Variants in TNS1 observed in about 807,000 individuals in gnomAD.
TNS1 encodes tensin-1.
TNS1 carries 62 observed loss-of-function variants against 168.6 expected under a neutral mutation model. The observed-to-expected ratio is 0.37, with a 90% CI of 0.30 to 0.45. The LOEUF (loss-of-function observed/expected upper bound fraction) is 0.45. TNS1 is among the 20% of genes least tolerant of loss of function. TNS1 has a pLI of 1.00. For synonymous variants in TNS1, 934 were observed against 933.2 expected (o/e 1.00, Z -0.02); for missense variants, 2,240 against 2,339.4 (o/e 0.96, Z 0.88).
At chr2:217,831,273 G>A (rs1465028752) in intron 22 of TNS1, among the ~76,000 whole-genome samples, 182 bp downstream of exon 22, 2 of 152,206 alleles carry the variant, frequency 1.3e-5, no homozygotes, top group African/African-American at 4.8e-5. Context: ...TCAACAGACA[G>A]GAAGGCTGCA....
upstream of TNS1, among the ~76,000 whole-genome samples, chr2:218,014,909 AAGGAAGGAAGGAAGGC>A (rs879522578): frequency 0.066 from 6,328 of 96,148 alleles, 170 homozygotes; most frequent in Middle Eastern, 0.15. Context: ...GGAAGGAAGG[AAGGAAGGAAGGAAGGC>A]AGGCAGGCAG....
chr2:217,826,715 A>G (rs1009917675), intron 22 of TNS1, among the ~76,000 whole-genome samples: 1 of 152,136 alleles, frequency 6.6e-6, no homozygotes. Flanking sequence ...CAGAGGCTAC[A>G]GGGAGTTGGG....
chr2:218,001,776 G>A (rs534072830), intron 1 of TNS1, among the ~76,000 whole-genome samples: 3 of 137,548 alleles, frequency 2.2e-5, no homozygotes, highest in South Asian at 2.3e-4. Flanking sequence ...CTGGCTGCCC[G>A]AGTTTGTGTT....
intron 28 of TNS1, among the ~76,000 whole-genome samples, chr2:217,811,560 T>C (rs1940910167): frequency 6.6e-6 from 1 of 152,116 alleles, no homozygotes; most frequent in South Asian, 2.1e-4. Context: ...GAAGGTCCTA[T>C]TGTTGAACAG....
At chr2:217,920,968 A>AG (rs1424999179) in intron 3 of TNS1, among the ~76,000 whole-genome samples, 2 of 116,284 alleles carry the variant, frequency 1.7e-5, no homozygotes, top group African/African-American at 6.5e-5. Context: ...AAGAAGGGAG[A>AG]GGGGGAGAGT....
intron 7 of TNS1, among the ~76,000 whole-genome samples, chr2:217,899,343 T>TG (rs976908175): frequency 2.6e-5 from 4 of 152,058 alleles, no homozygotes. Flanking sequence ...ATTGCAGCTG[T>TG]GGGGGAGAAG....
chr2:217,994,880 C>T (rs930930202), intron 1 of TNS1, among the ~76,000 whole-genome samples: 13 of 152,234 alleles, frequency 8.5e-5, no homozygotes, highest in African/African-American at 1.4e-4. Flanking sequence ...TCTGGCTGAG[C>T]GAGCACTGAG....
At chr2:217,808,749 G>T in intron 30 of TNS1, 78 bp from the exon 31 acceptor site, 1 of 1,358,280 alleles carries the variant, frequency 7.4e-7, no homozygotes, top group Non-Finnish European at 1.1e-6. Context: ...AGCAGGTCAG[G>T]CCACCTTTCC....
chr2:217,887,059 C>G lies in TNS1; in HGVS notation c.867-413G>C, dbSNP rs147230002. Among the ~76,000 whole-genome samples the G allele has an allele frequency of 2.4e-3, 367 of 152,310 alleles. 2 individuals carry two copies. The highest frequency in any genetic ancestry group is 8.6e-3 in the African/African-American group (357 of 41,556). On this transcript the variant is annotated intron_variant, in intron 12 of 32. Transcript: ENST00000682258. ...CCAAACAGCTCTGACGCCCTCACAC[C>G]CCCACACAAAGCTCAAATCAAGCTT... is the stretch of plus-strand genomic sequence containing the variant.
At chr2:217,839,964 C>T (rs998089092) in intron 19 of TNS1, among the ~76,000 whole-genome samples, 1 of 152,200 alleles carries the variant, frequency 6.6e-6, no homozygotes, top group Non-Finnish European at 1.5e-5. Flanking sequence ...GCAGGCCCAC[C>T]ATCCCAGAAC....
chr2:217,961,239 A>T (rs1440230300), intron 3 of TNS1, among the ~76,000 whole-genome samples: 2,031 of 140,118 alleles, frequency 0.014, 47 homozygotes, highest in African/African-American at 0.055. Flanking sequence ...TCTCTCTCAC[A>T]CACACACACA....
intron 19 of TNS1, among the ~76,000 whole-genome samples, chr2:217,847,040 A>C (rs184761182): frequency 6.6e-6 from 1 of 152,290 alleles, no homozygotes. Flanking sequence ...CGTCTCCCCC[A>C]AGGAACTAAA....
chr2:217,929,974 T>C lies in TNS1; in HGVS notation c.187-9738A>G, dbSNP rs556389854. On this transcript the variant is annotated intron_variant, in intron 3 of 32. Transcript: ENST00000682258. ...TAAAATGCACATCCAGCAGTGTCAC[T>C]TCTCTGCCTAAAGTTCTTGCATAGC... Among the ~76,000 whole-genome samples the C allele has an allele frequency of 4.1e-3, 627 of 152,332 alleles. 2 individuals carry two copies. Among genetic ancestry groups the C allele is most frequent in the African/African-American group, 0.014 (591 of 41,576 alleles).
At position 217,899,505 on chromosome 2, in the gene TNS1, T is replaced by C. The variant is rs375576064; in HGVS notation, c.371+958A>G. ...TTGCAGCATCCCCTCCTCCCCATCC[T>C]CCAAAACCCCTCTCTGTTCTGGCTC... On this transcript the variant is annotated intron_variant, in intron 7 of 32. Coordinates refer to ENST00000682258, the MANE Select transcript of TNS1 (RefSeq NM_001387777.1). Among the ~76,000 whole-genome samples, 222 of 152,138 alleles carry C rather than the reference T, an allele frequency of 1.5e-3. 1 individual carries two copies. The highest frequency in any genetic ancestry group is 1.6e-3 in the Non-Finnish European group (112 of 67,986).
At chr2:217,903,919 T>C (rs1179808056) in intron 6 of TNS1, 2 of 401,876 alleles carry the variant, frequency 5.0e-6, no homozygotes, top group Non-Finnish European at 8.8e-6. Flanking sequence ...GCAATGCCTC[T>C]GTGGGAAGAG....
chr2:217,848,880 G>T lies in TNS1; in HGVS notation c.1637C>A (p.Pro546His), dbSNP rs746714545. ...AGTGGCACTGGAGGCCCCGGGGACA[G>T]GCTCGTCGGTCTTGTCGGTCTTGGT... ...ASTKTDKTDE[P>H]VPGASSATAA... The change falls in exon 19 of 33, where the codon CCT becomes CAT. Residue 546 changes from proline to histidine, a missense_variant. Around this residue, in one of 2 missense-constraint regions of TNS1, gnomAD observed 2,131 missense variants for 2,171.2 expected, o/e 0.98. Coordinates refer to ENST00000682258, the MANE Select transcript of TNS1 (RefSeq NM_001387777.1). 1 of 1,614,188 alleles carries T rather than the reference G, an allele frequency of 6.2e-7. No individual in the cohort carries two copies. The highest frequency in any genetic ancestry group is 8.5e-7 in the Non-Finnish European group (1 of 1,180,040).
At chr2:217,830,252 C>G in intron 22 of TNS1, 7 of 1,368,418 alleles carry the variant, frequency 5.1e-6, no homozygotes, top group Non-Finnish European at 7.1e-6. Context: ...CCCCCAGCCC[C>G]CTTCTACTGA....
At chr2:217,916,091 T>C (rs1365362861) in intron 4 of TNS1, among the ~76,000 whole-genome samples, 2 of 152,206 alleles carry the variant, frequency 1.3e-5, no homozygotes, top group African/African-American at 4.8e-5. Context: ...CATTGCACTG[T>C]AATCAGGATT....
Position 217,818,729 on chromosome 2 carries a change from C to A in TNS1, c.3603G>T (p.Glu1201Asp). The A allele has an allele frequency of 6.2e-7, 1 of 1,613,208 alleles. No homozygotes were observed. The highest frequency in any genetic ancestry group is 8.5e-7 in the Non-Finnish European group (1 of 1,179,658). The change falls in exon 24 of 33, where the codon GAG becomes GAT. Residue 1201 changes from glutamate to aspartate, a missense_variant. By Grantham distance (45) the Glu-to-Asp change is conservative. Transcript: ENST00000682258. ...STSVGSFPSG[E>D]SSDQGPRTPT... is the part of the protein sequence containing the mutation. ...GCGTCCGGGGACCCTGGTCACTGCTCTCTCCCGACGGGAAACTCCCCACTG... is the reference window on the plus strand; with the variant it reads ...GCGTCCGGGGACCCTGGTCACTGCTATCTCCCGACGGGAAACTCCCCACTG...
Sources: gnomAD v4.1 joint callset for allele counts (sites outside exome capture counted in the v4.1 genomes callset) on GRCh38, gnomAD v4.1.1 for gene constraint, gnomAD v4.1.1 regional missense constraint, MANE v1.5 for transcripts, NCBI Gene and HGNC (gene_info 2026-07-23, HGNC 2026-07-21) for gene names.